CNTN5: variants seen among roughly 807,000 people sequenced by gnomAD.
CNTN5 encodes the protein contactin 5, also known as contactin-5.
CNTN5 carries 77 observed loss-of-function variants against 129.1 expected under a neutral mutation model. That is an observed-to-expected ratio of 0.60 (90% CI 0.50 to 0.72). The LOEUF is 0.72. Among genes scored for constraint, CNTN5 ranks in the 30% least tolerant of loss-of-function variants. The probability of loss-of-function intolerance (pLI) is 0.00; values close to 1 mark genes in which losing one functional copy is unlikely to be tolerated. For synonymous variants in CNTN5, 509 were observed against 465.6 expected (o/e 1.09, Z -1.20); for missense variants, 1,478 against 1,328.8 (o/e 1.11, Z -1.75).
intron 15 of CNTN5, among the ~76,000 whole-genome samples, chr11:100,195,993 A>T (rs140136731): frequency 6.6e-6 from 1 of 151,944 alleles, no homozygotes; most frequent in African/African-American, 2.4e-5. Context: ...GAGACCAAGG[A>T]CAGACTGTGG....
intron 2 of CNTN5, among the ~76,000 whole-genome samples, chr11:99,515,783 A>C (rs1411336625): frequency 6.6e-6 from 1 of 151,992 alleles, no homozygotes; most frequent in Non-Finnish European, 1.5e-5. Flanking sequence ...AGAGATTTAT[A>C]GATGAAATAG....
intron 2 of CNTN5, among the ~76,000 whole-genome samples, chr11:99,333,979 C>CTG (rs2136034402): frequency 7.6e-6 from 1 of 131,566 alleles, no homozygotes; most frequent in Non-Finnish European, 1.7e-5. Flanking sequence ...CTCTCACACA[C>CTG]ACACACACAC....
chr11:99,740,540 T>G (rs187522239), intron 3 of CNTN5, among the ~76,000 whole-genome samples: 269 of 152,272 alleles, frequency 1.8e-3, no homozygotes, highest in Non-Finnish European at 3.2e-3. Flanking sequence ...GTGTTAGGTC[T>G]GCATCTGGCT....
chr11:99,830,736 A>G (rs1156353389), intron 4 of CNTN5, among the ~76,000 whole-genome samples: 4 of 152,254 alleles, frequency 2.6e-5, no homozygotes, highest in African/African-American at 9.6e-5. Flanking sequence ...TTATTCTGCT[A>G]TTGTAGTCTT....
At chr11:99,825,126 T>C (rs1429360478) in intron 4 of CNTN5, among the ~76,000 whole-genome samples, 1 of 152,024 alleles carries the variant, frequency 6.6e-6, no homozygotes. Flanking sequence ...AAAAATAGTT[T>C]GTAAAAATTG....
intron 1 of CNTN5, among the ~76,000 whole-genome samples, chr11:99,041,996 A>T (rs1864001594): frequency 6.6e-6 from 1 of 152,136 alleles, no homozygotes; most frequent in Admixed American, 6.5e-5. Context: ...CTCCTGAATA[A>T]TTTCTACTTA....
intron 2 of CNTN5, among the ~76,000 whole-genome samples, chr11:99,487,004 A>C (rs1217802214): frequency 5.3e-5 from 8 of 152,354 alleles, no homozygotes; most frequent in African/African-American, 1.9e-4. Context: ...TTTTTGGAAG[A>C]GTCAGCCTGA....
Position 100,229,939 on chromosome 11 carries a change from A to T in CNTN5, c.2005+5127A>T, listed in dbSNP as rs376943928. On this transcript the variant is annotated intron_variant, in intron 16 of 24. Coordinates refer to ENST00000524871, the MANE Select transcript of CNTN5 (RefSeq NM_014361.4). The stretch of plus-strand genomic sequence containing the variant: ...TGCATAAGCCTTCACATGGTTGAGT[A>T]ATGATTTGAACGCAAGAGAGTCTCC... Among the ~76,000 whole-genome samples, 5 of 152,278 alleles carry T rather than the reference A, an allele frequency of 3.3e-5. No homozygotes were observed. The South Asian group carries it at 1.0e-3, about 32-fold the overall frequency.
chr11:100,279,910 C>CTTTTTT (rs58391412), intron 18 of CNTN5, among the ~76,000 whole-genome samples: 13 of 114,674 alleles, frequency 1.1e-4, no homozygotes, highest in African/African-American at 2.0e-4. Context: ...TTTTCTTTTT[C>CTTTTTT]TTTTTTTTTT....
chr11:99,254,186 C>T (rs1299724180), intron 1 of CNTN5, among the ~76,000 whole-genome samples: 1 of 151,592 alleles, frequency 6.6e-6, no homozygotes, highest in Non-Finnish European at 1.5e-5. Flanking sequence ...TTGAACGTTA[C>T]TTAATGGAGG....
At chr11:99,235,791 C>G (rs544969276) in intron 1 of CNTN5, among the ~76,000 whole-genome samples, 1 of 152,254 alleles carries the variant, frequency 6.6e-6, no homozygotes, top group East Asian at 1.9e-4. Context: ...ACTTAACTGA[C>G]AGTGGCAATT....
At chr11:99,479,270 T>TC (rs1173916518) in intron 2 of CNTN5, among the ~76,000 whole-genome samples, 1 of 151,792 alleles carries the variant, frequency 6.6e-6, no homozygotes, top group African/African-American at 2.4e-5. Context: ...TTCACACTTT[T>TC]TTTTTTACTA....
chr11:100,348,255 T>C (rs1353360431), intron 23 of CNTN5, among the ~76,000 whole-genome samples: 1 of 152,068 alleles, frequency 6.6e-6, no homozygotes, highest in African/African-American at 2.4e-5. Flanking sequence ...TTCTCATGCA[T>C]CTTTTCTAAA....
chr11:99,445,855 A>G (rs1188467479), intron 2 of CNTN5, among the ~76,000 whole-genome samples: 1 of 152,000 alleles, frequency 6.6e-6, no homozygotes, highest in East Asian at 1.9e-4. Context: ...AGGCCGAGGC[A>G]GGCGGATCAC....
chr11:100,042,744 A>G (rs1942452438), intron 9 of CNTN5, among the ~76,000 whole-genome samples: 2 of 152,328 alleles, frequency 1.3e-5, no homozygotes, highest in South Asian at 2.1e-4. Flanking sequence ...GTGCATAACA[A>G]AAAGCTTGTG....
chr11:100,050,919 A>T (rs920064606), intron 9 of CNTN5, among the ~76,000 whole-genome samples: 1 of 152,140 alleles, frequency 6.6e-6, no homozygotes, highest in Admixed American at 6.6e-5. Context: ...GCACCTAGTA[A>T]CAGAGCTTTA....
intron 3 of CNTN5, among the ~76,000 whole-genome samples, chr11:99,661,832 G>A (rs984887016): frequency 1.3e-5 from 2 of 151,990 alleles, no homozygotes; most frequent in African/African-American, 2.4e-5. Flanking sequence ...CAAAAACTAG[G>A]TACAGGTACT....
intron 4 of CNTN5, among the ~76,000 whole-genome samples, chr11:99,840,975 C>T (rs150076278): frequency 9.9e-4 from 151 of 152,194 alleles, no homozygotes; most frequent in African/African-American, 3.4e-3. Context: ...CACTGATTAT[C>T]TTTGCTGGGG....
In CNTN5 at chr11:99,545,058, C is replaced by G. The variant is rs79111601; in HGVS notation, c.-70-11087C>G. On this transcript the variant is annotated intron_variant, in intron 2 of 24. Transcript: ENST00000524871. ...AGGGGATCTGCCTAATATTTTATAA[C>G]TATAGTATATATTTTTACAGAATAC... Among the ~76,000 whole-genome samples the G allele has an allele frequency of 1.6e-3, 237 of 152,224 alleles. 5 individuals are homozygous for G. The East Asian group carries it at 0.044, about 28-fold the overall frequency.
Sources: gnomAD v4.1 joint callset for allele counts (sites outside exome capture counted in the v4.1 genomes callset) on GRCh38, gnomAD v4.1.1 for gene constraint, MANE v1.5 for transcripts, NCBI Gene and HGNC (gene_info 2026-07-23, HGNC 2026-07-21) for gene names.